ALKBH5: variants seen among roughly 807,000 people sequenced by gnomAD.
ALKBH5 encodes RNA demethylase ALKBH5.
In ALKBH5, 2 loss-of-function variants were observed where a neutral mutation model predicts 32.1. That is an observed-to-expected ratio of 0.06 (90% CI 0.03 to 0.20). The LOEUF (loss-of-function observed/expected upper bound fraction) is 0.20, where lower values mean the gene tolerates loss of function less well. Among genes scored for constraint, ALKBH5 ranks in the 10% least tolerant of loss-of-function variants. The probability of loss-of-function intolerance (pLI) is 1.00; values close to 1 mark genes in which losing one functional copy is unlikely to be tolerated. For missense variants in ALKBH5, 352 were observed against 559.5 expected, an observed-to-expected ratio of 0.63 and a Z score of 3.74; for synonymous variants, 300 against 231.7, an observed-to-expected ratio of 1.29 and a Z score of -2.68.
chr17:18,205,867 T>C (rs1413600525), intron 2 of ALKBH5, among the ~76,000 whole-genome samples: 1 of 152,196 alleles, frequency 6.6e-6, no homozygotes, highest in African/African-American at 2.4e-5. Context: ...AAGTTACTAC[T>C]TTGTGTCTAG....
At chr17:18,201,794 A>AGATAGGAT (rs1491101824) in intron 2 of ALKBH5, among the ~76,000 whole-genome samples, 18 of 134,516 alleles carry the variant, frequency 1.3e-4, no homozygotes, top group East Asian at 9.6e-4. Context: ...TAGGATAGAT[A>AGATAGGAT]AGATAGATAG....
In ALKBH5 at chr17:18,208,537, G is replaced by A; in HGVS notation, c.*141G>A. Reference sequence around the variant, plus strand: ...TTTTTGATTCTATATATTTTTCCTTGGTTTTGTTGCCTGTTAGGGCTGAAG... The same window carrying A: ...TTTTTGATTCTATATATTTTTCCTTAGTTTTGTTGCCTGTTAGGGCTGAAG... On this transcript the variant is annotated 3_prime_UTR_variant, in exon 4 of 4. Coordinates refer to ENST00000399138, the MANE Select transcript of ALKBH5 (RefSeq NM_017758.4). 1 of 1,027,200 alleles carries A rather than the reference G, an allele frequency of 9.7e-7. No individual in the cohort carries two copies. Among genetic ancestry groups the A allele is most frequent in the Non-Finnish European group, 1.5e-6 (1 of 688,258 alleles). The allele number at this position is 1,027,200 out of a possible 1,614,324, so 63.6% of individuals were successfully genotyped here. A position where few individuals can be genotyped will look rare whatever the true frequency, so the allele number is the denominator to read the frequency against.
intron 1 of ALKBH5, among the ~76,000 whole-genome samples, chr17:18,189,760 G>A (rs1441216414): frequency 2.0e-5 from 3 of 152,192 alleles, no homozygotes; most frequent in Non-Finnish European, 4.4e-5. Flanking sequence ...ATAGAAAGTT[G>A]AATCTTTGTC....
intron 2 of ALKBH5, among the ~76,000 whole-genome samples, chr17:18,202,431 G>T (rs2047247598): frequency 6.6e-6 from 1 of 152,162 alleles, no homozygotes; most frequent in Non-Finnish European, 1.5e-5. Context: ...GCAAGGTACA[G>T]ACCTGAGCTT....
intron 2 of ALKBH5, among the ~76,000 whole-genome samples, chr17:18,201,989 T>C (rs1018065196): frequency 3.3e-5 from 5 of 152,108 alleles, no homozygotes; most frequent in South Asian, 2.1e-4. Flanking sequence ...CACTCCAGGC[T>C]GGGTGATAGA....
rs57485964 is a variant in ALKBH5, at chr17:18,201,743, T to TTAGATAGA, written c.852-5036_852-5029dup. On this transcript the variant is annotated intron_variant, in intron 2 of 3. Transcript: ENST00000399138. ...TTGGGCTACAGGGTGAGACTCCATC[T>TTAGATAGA]TAGATAGATAGATAGATAGATAGAT... Among the ~76,000 whole-genome samples the TTAGATAGA allele has an allele frequency of 4.0e-3, 524 of 129,846 alleles. 6 individuals carry two copies. The highest frequency in any genetic ancestry group is 0.036 in the East Asian group (126 of 3,500). The allele number at this position is 129,846 out of a possible 152,430, so 85.2% of individuals were successfully genotyped here.
intron 2 of ALKBH5, among the ~76,000 whole-genome samples, chr17:18,205,447 C>T (rs902159146): frequency 6.6e-6 from 1 of 152,210 alleles, no homozygotes; most frequent in African/African-American, 2.4e-5. Flanking sequence ...GTCCTACCTG[C>T]CTACCCACCA....
At chr17:18,194,291 T>C (rs1321877632) in intron 1 of ALKBH5, among the ~76,000 whole-genome samples, 1 of 151,858 alleles carries the variant, frequency 6.6e-6, no homozygotes, top group Non-Finnish European at 1.5e-5. Context: ...GTAGCTGGGA[T>C]TACAGGCGCC....
At chr17:18,186,664 A>C (rs1026545336) in intron 1 of ALKBH5, among the ~76,000 whole-genome samples, 3 of 152,256 alleles carry the variant, frequency 2.0e-5, no homozygotes, top group African/African-American at 7.2e-5. Flanking sequence ...GATCAGCAAC[A>C]GGATTGCATC....
Position 18,183,937 on chromosome 17 carries a change from G to T in ALKBH5, c.-307G>T, listed in dbSNP as rs758007725. The T allele has an allele frequency of 1.7e-6, 1 of 578,476 alleles. No individual in the cohort carries two copies. Among genetic ancestry groups the T allele is most frequent in the South Asian group, 1.6e-5 (1 of 63,858 alleles). 35.8% of individuals were successfully genotyped at this position (578,476 alleles called of 1,614,324 possible). A position where few individuals can be genotyped will look rare whatever the true frequency, so the allele number is the denominator to read the frequency against. ...GCCGGGCGTCCGAGGGTCTGGTCGG[G>T]AGTCGGGCCGCGTCTCCGCAGCAGC... On this transcript the variant is annotated 5_prime_UTR_variant, in exon 1 of 4. Transcript: ENST00000399138.
intron 2 of ALKBH5, among the ~76,000 whole-genome samples, chr17:18,203,057 G>C (rs533384125): frequency 2.1e-5 from 3 of 141,954 alleles, no homozygotes; most frequent in African/African-American, 8.0e-5. Context: ...TGGAGACAGA[G>C]CAAGATTGTC....
intron 1 of ALKBH5, among the ~76,000 whole-genome samples, chr17:18,192,845 T>C (rs1459122847): frequency 1.4e-5 from 2 of 147,278 alleles, no homozygotes; most frequent in Non-Finnish European, 3.0e-5. Flanking sequence ...ATTCGTCCAC[T>C]GTCTTTTTCT....
In ALKBH5 at chr17:18,206,826, A is replaced by G. The variant is rs1423920867; in HGVS notation, c.863A>G (p.Asp288Gly). 19 of 1,613,962 alleles carry G rather than the reference A, an allele frequency of 1.2e-5. No individual in the cohort carries two copies. The highest frequency in any genetic ancestry group is 1.6e-5 in the Non-Finnish European group (19 of 1,179,994). ...AVIILRKTRL[D>G]APRLETKSLS... ...TGTTTCCTTTGCAGGACAAGATTAG[A>G]TGCACCCCGGTTGGAAACAAAGTCC... Residue 288 changes from aspartate (D) to glycine (G), a missense_variant, in exon 3 of 4, where the codon GAT becomes GGT. This residue lies in a region of ALKBH5 where 56 missense variants were observed against 238.1 expected (regional missense o/e 0.24). Coordinates refer to ENST00000399138, the MANE Select transcript of ALKBH5 (RefSeq NM_017758.4).
rs2047285340 is a variant in ALKBH5 at position 18,208,592 on chromosome 17, T to A, written c.*196T>A. The A allele has an allele frequency of 1.4e-6, 1 of 701,356 alleles. No homozygotes were observed. The highest frequency in any genetic ancestry group is 2.5e-6 in the Non-Finnish European group (1 of 399,396). The allele number at this position is 701,356 out of a possible 1,614,324, so 43.4% of individuals were successfully genotyped here. On this transcript the variant is annotated 3_prime_UTR_variant, in exon 4 of 4. Transcript: ENST00000399138. Reference sequence around the variant, plus strand: ...GAATTGGCCAGGACCTAGGTTCTCATATTCTTGGTATTCCTCCTGGATGGA... The same window carrying A: ...GAATTGGCCAGGACCTAGGTTCTCAAATTCTTGGTATTCCTCCTGGATGGA...
rs758207626 is a variant in ALKBH5, at chr17:18,194,948, T to G, written c.771-7T>G. ...TTCATGGTCACATGTTCTGTGTTTCTTTTCAGTGGATATGCTGCTGATGAA... is the reference window on the plus strand; with the variant it reads ...TTCATGGTCACATGTTCTGTGTTTCGTTTCAGTGGATATGCTGCTGATGAA... On this transcript the variant is annotated splice_region_variant and splice_polypyrimidine_tract_variant and intron_variant, in intron 1 of 3. Transcript: ENST00000399138. The G allele has an allele frequency of 5.0e-6, 8 of 1,613,722 alleles. No individual in the cohort carries two copies. The highest frequency in any genetic ancestry group is 6.8e-6 in the Non-Finnish European group (8 of 1,179,816).
intron 1 of ALKBH5, among the ~76,000 whole-genome samples, chr17:18,192,867 T>C (rs1305694760): frequency 1.7e-4 from 15 of 88,880 alleles, no homozygotes; most frequent in African/African-American, 5.0e-4. Context: ...TTTTTTTTTT[T>C]TTTTTTTTTT....
Position 18,184,232 on chromosome 17 carries a change from G to T in ALKBH5, c.-12G>T. The T allele has an allele frequency of 6.6e-7, 1 of 1,505,142 alleles. No individual in the cohort carries two copies. Among genetic ancestry groups the T allele is most frequent in the Non-Finnish European group, 8.8e-7 (1 of 1,133,890 alleles). The allele number at this position is 1,505,142 out of a possible 1,614,324, so 93.2% of individuals were successfully genotyped here. ...CCGCCCCGGAGGACCCTAGAGCAGC[G>T]TCGTGGGGGCCATGGCGGCCGCCAG... is the stretch of plus-strand genomic sequence containing the variant. On this transcript the variant is annotated 5_prime_UTR_variant, in exon 1 of 4. Coordinates refer to ENST00000399138, the MANE Select transcript of ALKBH5 (RefSeq NM_017758.4).
chr17:18,204,975 A>G (rs894773026), intron 2 of ALKBH5, among the ~76,000 whole-genome samples: 4 of 151,888 alleles, frequency 2.6e-5, no homozygotes, highest in African/African-American at 9.7e-5. Flanking sequence ...CCTTAAGCCT[A>G]GGAGTTCAAG....
At position 18,208,371 on chromosome 17, in the gene ALKBH5, G is replaced by T; in HGVS notation, c.1160G>T (p.Arg387Leu). 1 of 1,613,272 alleles carries T rather than the reference G, an allele frequency of 6.2e-7. No individual in the cohort carries two copies. The highest frequency in any genetic ancestry group is 1.1e-5 in the South Asian group (1 of 91,044). ...TCTGAGGCAGCAGGCAGCCCTGCCC[G>T]AAAGGTGAAGATGCGGCGGCACTGA... ...DCSEAAGSPA[R>L]KVKMRRH The change falls in exon 4 of 4, where the codon CGA becomes CTA. Residue 387 changes from arginine to leucine, a missense_variant. Transcript: ENST00000399138.
Sources: gnomAD v4.1 joint callset for allele counts (sites outside exome capture counted in the v4.1 genomes callset) on GRCh38, gnomAD v4.1.1 for gene constraint, gnomAD v4.1.1 regional missense constraint, MANE v1.5 for transcripts, NCBI Gene and HGNC (gene_info 2026-07-23, HGNC 2026-07-21) for gene names.